KLHL23: variants seen among roughly 807,000 people sequenced by gnomAD.
KLHL23 encodes the protein kelch-like protein 23.
Under a neutral mutation model 48.9 loss-of-function variants are expected in KLHL23, and 33 were observed. The observed-to-expected ratio is 0.67, with a 90% CI of 0.51 to 0.90. The LOEUF is 0.90. Ranked by LOEUF, KLHL23 falls within the 40% of genes least tolerant of loss-of-function variation. The probability of loss-of-function intolerance (pLI) is 0.00; values close to 1 mark genes in which losing one functional copy is unlikely to be tolerated. For missense variants in KLHL23, 608 were observed against 669.6 expected, an observed-to-expected ratio of 0.91 and a Z score of 1.02; for synonymous variants, 234 against 231.6, an observed-to-expected ratio of 1.01 and a Z score of -0.09.
chr2:169,735,092 C>T lies in KLHL23; in HGVS notation c.78C>T (p.Phe26=), dbSNP rs1454235742. 5 of 1,605,844 alleles carry T rather than the reference C, an allele frequency of 3.1e-6. No homozygotes were observed. ...ATCCAGTGGATTTTCTGGATGCATT[C>T]AGAACATTTTACTTGGATGGATTAT... ...STHPVDFLDA[F]RTFYLDGLFT... Residue 26 remains phenylalanine, a synonymous_variant, in exon 2 of 4, where the codon TTC becomes TTT. Coordinates refer to ENST00000392647, the MANE Select transcript of KLHL23 (RefSeq NM_144711.6). This position sits in a 1 kb window ranked among gnomAD's most constrained non-coding sequence, Gnocchi z 4.5.
chr2:169,746,842 C>T (rs187953446), intron 3 of KLHL23, among the ~76,000 whole-genome samples: 5 of 152,152 alleles, frequency 3.3e-5, no homozygotes, highest in Non-Finnish European at 5.9e-5. Context: ...CTTTTACCAA[C>T]TGATAAAATA....
At chr2:169,734,600 G>A (rs976300504) in intron 1 of KLHL23, among the ~76,000 whole-genome samples, 5 of 152,330 alleles carry the variant, frequency 3.3e-5, no homozygotes, top group African/African-American at 4.8e-5. Context: ...GCATTTCGAT[G>A]TGATTTGAAA....
At chr2:169,737,412 G>A (rs962878771) in intron 2 of KLHL23, among the ~76,000 whole-genome samples, 1 of 152,116 alleles carries the variant, frequency 6.6e-6, no homozygotes, top group African/African-American at 2.4e-5. Context: ...TGCTCCCCTG[G>A]TTTTTGTCTT....
At chr2:169,748,342 C>G (rs1688851902) in intron 3 of KLHL23, among the ~76,000 whole-genome samples, 1 of 152,180 alleles carries the variant, frequency 6.6e-6, no homozygotes, top group Non-Finnish European at 1.5e-5. Flanking sequence ...GAAGGAACAG[C>G]TCAGCGATAG....
In KLHL23 at chr2:169,735,122, T is replaced by G. The variant is rs747984318; in HGVS notation, c.108T>G (p.Thr36=). The change falls in exon 2 of 4, where the codon ACT becomes ACG. Residue 36 remains threonine (T), a synonymous_variant. Transcript: ENST00000392647. This position sits in a 1 kb window ranked among gnomAD's most constrained non-coding sequence, Gnocchi z 4.5. ...FRTFYLDGLF[T]DITLQCPSGI... is the part of the protein sequence containing the mutation. ...CATTTTACTTGGATGGATTATTTAC[T>G]GATATTACTCTTCAGTGTCCTTCAG... is the stretch of plus-strand genomic sequence containing the variant. 3 of 1,612,264 alleles carry G rather than the reference T, an allele frequency of 1.9e-6. No individual in the cohort carries two copies. Among genetic ancestry groups the G allele is most frequent in the Non-Finnish European group, 1.7e-6 (2 of 1,179,682 alleles).
In KLHL23 at chr2:169,738,501, C is replaced by T. The variant is rs559218001; in HGVS notation, c.1213+2274C>T. 8.9e-4 allele frequency among the ~76,000 whole-genome samples: 136 copies of T among 152,190 alleles called. 1 individual carries two copies. The highest frequency in any genetic ancestry group is 3.2e-3 in the African/African-American group (132 of 41,528). ...AGCCTTGAAGTGAAATAGCAGCTTT[C>T]TCTGGTAATAAACTTAATTTGGGTA... On this transcript the variant is annotated intron_variant, in intron 2 of 3. Transcript: ENST00000392647.
Position 169,735,627 on chromosome 2 carries a change from A to G in KLHL23, c.613A>G (p.Ile205Val). ...AGAAGAAGCTATCATAGAGCCAGTT[A>G]TTAAGTGGACTGCTCATGATGTAGA... is the stretch of plus-strand genomic sequence containing the variant. ...WKEEAIIEPV[I>V]KWTAHDVENR... Residue 205 changes from isoleucine (I) to valine (V), a missense_variant, in exon 2 of 4, where the codon ATT becomes GTT. Transcript: ENST00000392647. The surrounding 1 kb of genome is among the most constrained non-coding windows in gnomAD (Gnocchi z 4.5). 1 of 1,614,076 alleles carries G rather than the reference A, an allele frequency of 6.2e-7. No individual in the cohort carries two copies. The highest frequency in any genetic ancestry group is 8.5e-7 in the Non-Finnish European group (1 of 1,180,050).
intron 3 of KLHL23, among the ~76,000 whole-genome samples, chr2:169,744,936 G>GT (rs1383445861): frequency 4.5e-4 from 59 of 130,472 alleles, no homozygotes; most frequent in African/African-American, 8.0e-4. Context: ...CTAGGTTTTT[G>GT]TTTTTTGTTT....
At chr2:169,742,974 C>T (rs1328087355) in intron 3 of KLHL23, among the ~76,000 whole-genome samples, 1 of 152,136 alleles carries the variant, frequency 6.6e-6, no homozygotes, top group Non-Finnish European at 1.5e-5. Context: ...GTTTTTATCA[C>T]ATTTTATAGG....
intron 3 of KLHL23, among the ~76,000 whole-genome samples, chr2:169,746,036 G>A (rs1353398623): frequency 6.6e-6 from 1 of 152,184 alleles, no homozygotes; most frequent in Non-Finnish European, 1.5e-5. Context: ...CAGCAATACA[G>A]CTATGGGCAG....
At chr2:169,737,861 C>A (rs1184016328) in intron 2 of KLHL23, among the ~76,000 whole-genome samples, 2 of 152,076 alleles carry the variant, frequency 1.3e-5, no homozygotes, top group South Asian at 2.1e-4. Flanking sequence ...GTGATCCCCC[C>A]ACCTTGGCCT....
rs1688967540 is a variant in KLHL23, at chr2:169,751,476, C to T, written c.*1744C>T. The T allele has an allele frequency of 6.6e-6, 1 of 152,024 alleles. No individual in the cohort carries two copies. Among genetic ancestry groups the T allele is most frequent in the African/African-American group, 2.4e-5 (1 of 41,378 alleles). The allele number at this position is 152,024 out of a possible 1,614,324, so 9.4% of individuals were successfully genotyped here. A position where few individuals can be genotyped will look rare whatever the true frequency, so the allele number is the denominator to read the frequency against. ...TGTAAAAATGACCATATCCTTTGCC[C>T]CATAAATTCTACTTCTATACTTTTA... On this transcript the variant is annotated 3_prime_UTR_variant, in exon 4 of 4. Transcript: ENST00000392647.
intron 2 of KLHL23, among the ~76,000 whole-genome samples, chr2:169,737,142 C>A (rs144629965): frequency 2.0e-3 from 301 of 152,284 alleles, no homozygotes; most frequent in African/African-American, 6.8e-3. Context: ...ACCCTGTGCC[C>A]CCGTTTTGTC....
Position 169,735,971 on chromosome 2 carries a change from A to G in KLHL23, c.957A>G (p.Gly319=), listed in dbSNP as rs151186019. The stretch of plus-strand genomic sequence containing the variant: ...AGAGCTATGGTGTTACATGTTTAGG[A>G]CCCAACATTTATGTAACTGGGGGCT... ...TRESYGVTCL[G]PNIYVTGGYR... is the part of the protein sequence containing the mutation. Residue 319 remains glycine, a synonymous_variant, in exon 2 of 4, where the codon GGA becomes GGG. Coordinates refer to ENST00000392647, the MANE Select transcript of KLHL23 (RefSeq NM_144711.6). The surrounding 1 kb of genome is among the most constrained non-coding windows in gnomAD (Gnocchi z 4.5). The G allele has an allele frequency of 5.0e-6, 8 of 1,614,148 alleles. No homozygotes were observed. The East Asian group carries it at 1.6e-4, about 31-fold the overall frequency.
chr2:169,742,865 A>G (rs1174807318), intron 3 of KLHL23, among the ~76,000 whole-genome samples: 1 of 152,258 alleles, frequency 6.6e-6, no homozygotes. Flanking sequence ...AGAAATAGCT[A>G]GCATTTATTC....
In KLHL23 at chr2:169,736,130, T is replaced by C; in HGVS notation, c.1116T>C (p.Tyr372=). Reference sequence around the variant, plus strand: ...CAGTCACCTTGGGTGGCTGTGTCTATGCTTTAGGTGGTTACAGAAAAGGGG... The same window carrying C: ...CAGTCACCTTGGGTGGCTGTGTCTACGCTTTAGGTGGTTACAGAAAAGGGG... ...HCAVTLGGCV[Y]ALGGYRKGAP... Residue 372 remains tyrosine, a synonymous_variant, in exon 2 of 4, where the codon TAT becomes TAC. Coordinates refer to ENST00000392647, the MANE Select transcript of KLHL23 (RefSeq NM_144711.6). 1.9e-6 allele frequency: 3 copies of C among 1,614,206 alleles called. No individual in the cohort carries two copies. Among genetic ancestry groups the C allele is most frequent in the Non-Finnish European group, 2.5e-6 (3 of 1,180,032 alleles).
chr2:169,741,697 A>G (rs1404736017), intron 3 of KLHL23, among the ~76,000 whole-genome samples, 160 bp downstream of exon 3: 5 of 152,218 alleles, frequency 3.3e-5, no homozygotes, highest in African/African-American at 1.2e-4. Flanking sequence ...CCATCTAACA[A>G]TAATCACAAT....
intron 3 of KLHL23, among the ~76,000 whole-genome samples, chr2:169,748,565 A>G (rs1250722956): frequency 1.3e-5 from 2 of 152,186 alleles, no homozygotes; most frequent in African/African-American, 4.8e-5. Flanking sequence ...CACAAAATGT[A>G]AGGCCATGCA....
chr2:169,751,441 T>C lies in KLHL23; in HGVS notation c.*1709T>C. ...TTTGGAAACACAATATGGTACTACATAGCAAGGGCTGTAAAAATGACCATA... is the reference window on the plus strand; with the variant it reads ...TTTGGAAACACAATATGGTACTACACAGCAAGGGCTGTAAAAATGACCATA... On this transcript the variant is annotated 3_prime_UTR_variant, in exon 4 of 4. Coordinates refer to ENST00000392647, the MANE Select transcript of KLHL23 (RefSeq NM_144711.6). 6.6e-6 allele frequency: 1 copy of C among 152,256 alleles called. No homozygotes were observed. The highest frequency in any genetic ancestry group is 2.1e-4 in the South Asian group (1 of 4,832). 9.4% of individuals were successfully genotyped at this position (152,256 alleles called of 1,614,324 possible).
Sources: gnomAD v4.1 joint callset for allele counts (sites outside exome capture counted in the v4.1 genomes callset) on GRCh38, gnomAD v4.1.1 for gene constraint, Gnocchi (gnomAD v3.1) non-coding constraint, MANE v1.5 for transcripts, NCBI Gene and HGNC (gene_info 2026-07-23, HGNC 2026-07-21) for gene names.